The following ELAVL2 variants were observed in gnomAD, a reference collection of about 807,000 sequenced individuals.
The protein encoded by ELAVL2 is ELAV-like protein 2.
Under a neutral mutation model 34.6 loss-of-function variants are expected in ELAVL2, and 4 were observed. The observed-to-expected ratio is 0.12, with a 90% confidence interval of 0.06 to 0.26. The LOEUF (loss-of-function observed/expected upper bound fraction) is 0.26. ELAVL2 is among the 10% of genes least tolerant of loss of function. The pLI is 1.00. For synonymous variants in ELAVL2, 193 were observed against 154.8 expected, an observed-to-expected ratio of 1.25 and a Z score of -1.83; for missense variants, 432 against 442.8, an observed-to-expected ratio of 0.98 and a Z score of 0.22.
Position 23,693,709 on chromosome 9 carries a change from G to A in ELAVL2, c.714-223C>T, listed in dbSNP as rs116783010. 9.9e-3 allele frequency among the ~76,000 whole-genome samples: 1,507 copies of A among 152,288 alleles called. 25 individuals carry two copies. The highest frequency in any genetic ancestry group is 0.035 in the African/African-American group (1,452 of 41,552). On this transcript the variant is annotated intron_variant, in intron 5 of 6. Transcript: ENST00000397312. ...TCTCTCTACAAGGGTCAGTACATGG[G>A]ACACAGTGACGGTCATCTGAGGATA...
intron 1 of ELAVL2, among the ~76,000 whole-genome samples, chr9:23,812,184 TA>T (rs2063103190): frequency 6.6e-6 from 1 of 152,066 alleles, no homozygotes. Context: ...GAATATGAGG[TA>T]AAGGGCACTT....
At chr9:23,764,765 G>A (rs565801045) in intron 1 of ELAVL2, among the ~76,000 whole-genome samples, 24 of 152,048 alleles carry the variant, frequency 1.6e-4, no homozygotes, top group African/African-American at 5.8e-4. Flanking sequence ...TTTTGAGTCT[G>A]CGCTAAATCC....
At chr9:23,775,251 A>G (rs1015327182) in intron 1 of ELAVL2, among the ~76,000 whole-genome samples, 18 of 152,110 alleles carry the variant, frequency 1.2e-4, no homozygotes. Context: ...TACAAACAAA[A>G]TCTTATTTAA....
At chr9:23,783,800 A>C (rs2059364401) in intron 1 of ELAVL2, among the ~76,000 whole-genome samples, 1 of 152,184 alleles carries the variant, frequency 6.6e-6, no homozygotes, top group Non-Finnish European at 1.5e-5. Flanking sequence ...ATGAAAAAAA[A>C]AAATCAGGCT....
intron 2 of ELAVL2, among the ~76,000 whole-genome samples, chr9:23,740,463 T>C (rs1419798308): frequency 6.6e-6 from 1 of 152,218 alleles, no homozygotes; most frequent in Non-Finnish European, 1.5e-5. Context: ...GTACACTTTG[T>C]TGCCTTTGGC....
At chr9:23,735,476 G>C (rs1046412785) in intron 2 of ELAVL2, 1 of 151,834 alleles carries the variant, frequency 6.6e-6, no homozygotes, top group African/African-American at 2.4e-5. Flanking sequence ...ACAGGGTTTC[G>C]CCACGTTGGC....
At chr9:23,731,189 C>A in intron 2 of ELAVL2, 64 bp from the exon 3 acceptor site, 6 of 1,427,824 alleles carry the variant, frequency 4.2e-6, no homozygotes, top group Non-Finnish European at 5.7e-6. Context: ...GATCAACTTT[C>A]ATTTTGGCAT....
At chr9:23,738,829 C>A (rs2048484612) in intron 2 of ELAVL2, among the ~76,000 whole-genome samples, 1 of 152,148 alleles carries the variant, frequency 6.6e-6, no homozygotes, top group African/African-American at 2.4e-5. Context: ...AGCACCAGGG[C>A]ATTTTCCCTT....
intron 1 of ELAVL2, among the ~76,000 whole-genome samples, chr9:23,796,367 G>A (rs1381846185): frequency 1.3e-5 from 2 of 152,236 alleles, no homozygotes; most frequent in East Asian, 3.8e-4. Flanking sequence ...TCCATTTGAA[G>A]AGCGATTTGA....
chr9:23,744,461 A>G (rs990037060), intron 2 of ELAVL2, among the ~76,000 whole-genome samples: 1 of 152,202 alleles, frequency 6.6e-6, no homozygotes, highest in Non-Finnish European at 1.5e-5. Context: ...TAAAATAGTT[A>G]TATATTATAA....
At chr9:23,694,657 C>T (rs1323686959) in intron 5 of ELAVL2, among the ~76,000 whole-genome samples, 1 of 152,200 alleles carries the variant, frequency 6.6e-6, no homozygotes, top group African/African-American at 2.4e-5. Context: ...CATGCAAAAG[C>T]CAACACCTTT....
chr9:23,746,269 T>G lies in ELAVL2; in HGVS notation c.230-15144A>C, dbSNP rs532310292. Among the ~76,000 whole-genome samples the G allele has an allele frequency of 2.4e-4, 37 of 152,290 alleles. No homozygotes were observed. In the South Asian group the frequency reaches 7.7e-3, roughly 32 times the overall value. The stretch of plus-strand genomic sequence containing the variant: ...CTAACCAATTACAAAAGTTATTCTC[T>G]TATAGGTCAAATTGAGACCAATACA... On this transcript the variant is annotated intron_variant, in intron 2 of 6. Transcript: ENST00000397312.
intron 2 of ELAVL2, among the ~76,000 whole-genome samples, chr9:23,737,958 T>A (rs1404395187): frequency 2.0e-5 from 3 of 152,172 alleles, no homozygotes; most frequent in Non-Finnish European, 2.9e-5. Context: ...AAAAACAAGT[T>A]TTCGTTACAA....
the ELAVL2 span, among the ~76,000 whole-genome samples, chr9:23,834,230 A>G: frequency 6.6e-6 from 1 of 152,018 alleles, no homozygotes; most frequent in Non-Finnish European, 1.5e-5. Context: ...GTTATTGTTT[A>G]TCCTTATAAA....
the ELAVL2 span, among the ~76,000 whole-genome samples, chr9:23,846,637 G>A: frequency 5.6e-4 from 85 of 151,664 alleles, no homozygotes; most frequent in African/African-American, 2.1e-3. Flanking sequence ...TTTTGTTTTT[G>A]GAACAGAATT....
At chr9:23,763,053 A>T (rs2055409113) in intron 1 of ELAVL2, among the ~76,000 whole-genome samples, 1 of 151,958 alleles carries the variant, frequency 6.6e-6, no homozygotes, top group South Asian at 2.1e-4. Flanking sequence ...TTTCTCCTTG[A>T]CTCTGCTTTT....
chr9:23,780,417 G>C (rs1054818483), intron 1 of ELAVL2, among the ~76,000 whole-genome samples: 3 of 151,926 alleles, frequency 2.0e-5, no homozygotes, highest in Admixed American at 2.0e-4. Context: ...TAATAAACTT[G>C]GAAAATGGCT....
At chr9:23,775,275 C>T (rs962484420) in intron 1 of ELAVL2, among the ~76,000 whole-genome samples, 18 of 152,244 alleles carry the variant, frequency 1.2e-4, no homozygotes, top group Admixed American at 6.5e-5. Context: ...TCTTGTGGAG[C>T]GGGCAAGGTG....
chr9:23,715,383 C>T (rs539082632), intron 3 of ELAVL2, among the ~76,000 whole-genome samples: 3 of 152,280 alleles, frequency 2.0e-5, no homozygotes, highest in Admixed American at 6.5e-5. Context: ...CTCCTGACCT[C>T]GTGAGCCGCC....
Sources: allele counts gnomAD v4.1 joint callset (sites outside exome capture counted in the v4.1 genomes callset), GRCh38; gene constraint gnomAD v4.1.1; transcripts MANE v1.5; gene names NCBI Gene and HGNC (gene_info 2026-07-23, HGNC 2026-07-21).